Variants in PEAR1 observed in about 807,000 individuals in gnomAD.
The protein encoded by PEAR1 is platelet endothelial aggregation receptor 1.
Under a neutral mutation model 131.2 loss-of-function variants are expected in PEAR1, and 113 were observed. The observed-to-expected ratio is 0.86, with a 90% CI of 0.74 to 1.01. The LOEUF is 1.01. Ranked by LOEUF, PEAR1 falls within the 50% of genes least tolerant of loss-of-function variation. The probability of loss-of-function intolerance (pLI) is 0.00; values close to 1 mark genes in which losing one functional copy is unlikely to be tolerated. For missense variants in PEAR1, 1,408 were observed against 1,391.1 expected, an observed-to-expected ratio of 1.01 and a Z score of -0.19; for synonymous variants, 565 against 523.3, an observed-to-expected ratio of 1.08 and a Z score of -1.09.
intron 22 of PEAR1, 110 bp downstream of exon 22, chr1:156,914,210 A>G: frequency 6.9e-7 from 1 of 1,441,308 alleles, no homozygotes; most frequent in Non-Finnish European, 9.2e-7. Flanking sequence ...ATCAAGAGTG[A>G]GGCCTTTGGG....
At chr1:156,910,513 C>T (rs1007222009) in intron 14 of PEAR1, 105 bp from the exon 15 acceptor site, 14 of 1,558,752 alleles carry the variant, frequency 9.0e-6, no homozygotes, top group Non-Finnish European at 1.2e-5. Context: ...TCTGACCCGT[C>T]TTCAGACTAG....
At chr1:156,905,558 C>T in intron 4 of PEAR1, 134 bp downstream of exon 4, 1 of 733,706 alleles carries the variant, frequency 1.4e-6, no homozygotes, top group South Asian at 1.9e-5. Flanking sequence ...CCCCTCCTCT[C>T]CTCTCCCTGG....
Position 156,902,275 on chromosome 1 carries a change from G to A in PEAR1, c.-9-1643G>A, listed in dbSNP as rs1372840932. 6.5e-6 allele frequency: 1 copy of A among 152,672 alleles called. No individual in the cohort carries two copies. Among genetic ancestry groups the A allele is most frequent in the Admixed American group, 6.5e-5 (1 of 15,286 alleles). 9.5% of individuals were successfully genotyped at this position (152,672 alleles called of 1,614,324 possible). The stretch of plus-strand genomic sequence containing the variant: ...AGGCCCCAGGGCTGAGCTGTGGGCA[G>A]GCCCCACCTGGTGAGTTACTTGGGG... On this transcript the variant is annotated intron_variant, in intron 1 of 22. Coordinates refer to ENST00000292357, the MANE Select transcript of PEAR1 (RefSeq NM_001080471.3). This position sits in a 1 kb window ranked among gnomAD's most constrained non-coding sequence, Gnocchi z 4.3.
rs764339877 is a variant in PEAR1 at position 156,904,812 on chromosome 1, G to A, written c.166G>A (p.Glu56Lys). ...PFSLLPSEPCERPWEGPHTCP... is the reference protein window; with the variant it reads ...PFSLLPSEPCKRPWEGPHTCP... ...CAGCCTGCTCCCCTCAGAGCCCTGC[G>A]AGCGGCCCTGGGAGGGCCCCCATAC... The change falls in exon 3 of 23, where the codon GAG (glutamate) becomes AAG (lysine). Residue 56 changes from glutamate to lysine, a missense_variant. Transcript: ENST00000292357. 44 of 1,613,704 alleles carry A rather than the reference G, an allele frequency of 2.7e-5. No individual in the cohort carries two copies. The highest frequency in any genetic ancestry group is 3.3e-4 in the Middle Eastern group (2 of 6,076).
Position 156,907,592 on chromosome 1 carries a change from AC to A in PEAR1, c.645-15del. On this transcript the variant is annotated splice_polypyrimidine_tract_variant and intron_variant, in intron 6 of 22. Coordinates refer to ENST00000292357, the MANE Select transcript of PEAR1 (RefSeq NM_001080471.3). ...TATTGCTTGTTTGCACATTGACTCC[AC>A]CCACTCTGTCCTGCAGCTGTGACGT... 6.3e-7 allele frequency: 1 copy of A among 1,598,876 alleles called. No individual in the cohort carries two copies. Among genetic ancestry groups the A allele is most frequent in the Non-Finnish European group, 8.5e-7 (1 of 1,172,340 alleles).
Position 156,916,111 on chromosome 1 carries a change from G to A in PEAR1, c.*1313G>A, listed in dbSNP as rs1651840204. On this transcript the variant is annotated 3_prime_UTR_variant, in exon 23 of 23. Transcript: ENST00000292357. The stretch of plus-strand genomic sequence containing the variant: ...ATGCCTTGATTTATTGCACTTCACA[G>A]GTAGCAGAATTTTTAAAGAAATTGA... 1 of 152,146 alleles carries A rather than the reference G, an allele frequency of 6.6e-6. No homozygotes were observed. The highest frequency in any genetic ancestry group is 1.5e-5 in the Non-Finnish European group (1 of 68,044). The allele number at this position is 152,146 out of a possible 1,614,324, so 9.4% of individuals were successfully genotyped here. A position where few individuals can be genotyped will look rare whatever the true frequency, so the allele number is the denominator to read the frequency against.
intron 1 of PEAR1, among the ~76,000 whole-genome samples, chr1:156,900,656 T>C (rs1649591200): frequency 6.6e-6 from 1 of 152,106 alleles, no homozygotes; most frequent in South Asian, 2.1e-4. Context: ...ATACGTGGGG[T>C]CACCTTATGA....
chr1:156,895,115 A>T (rs896751331), intron 1 of PEAR1, among the ~76,000 whole-genome samples: 1 of 152,098 alleles, frequency 6.6e-6, no homozygotes, highest in Non-Finnish European at 1.5e-5. Context: ...CATCTCTAGG[A>T]GCTGGGTTGG....
rs1211722226 is a variant in PEAR1, at chr1:156,913,883, T to C, written c.2745T>C (p.Ser915=). Residue 915 remains serine (S), a synonymous_variant, in exon 22 of 23, where the codon AGT becomes AGC. Transcript: ENST00000292357. ...TCTCTGAAGAGGAGCTCGGGGCCAG[T>C]GTGGCTTCCCTGAGCAGTGAGAACC... The part of the protein sequence containing the change: ...GLISEEELGA[S]VASLSSENPY... The C allele has an allele frequency of 1.2e-6, 2 of 1,613,846 alleles. No homozygotes were observed. The highest frequency in any genetic ancestry group is 1.7e-6 in the Non-Finnish European group (2 of 1,179,914).
At chr1:156,895,089 C>T (rs1419299912) in intron 1 of PEAR1, among the ~76,000 whole-genome samples, 1 of 152,240 alleles carries the variant, frequency 6.6e-6, no homozygotes, top group Non-Finnish European at 1.5e-5. Flanking sequence ...ATGTTCCCCA[C>T]TGCAGGTGGG....
Position 156,914,594 on chromosome 1 carries a change from G to A in PEAR1, c.2963-53G>A. On this transcript the variant is annotated intron_variant, in intron 22 of 22. Coordinates refer to ENST00000292357, the MANE Select transcript of PEAR1 (RefSeq NM_001080471.3). Reference sequence around the variant, plus strand: ...GGAGTGCAGTGGGAGTGGAGGGAGTGGGGAGAGTGGTGGGAGGAGCCACTC... The same window carrying A: ...GGAGTGCAGTGGGAGTGGAGGGAGTAGGGAGAGTGGTGGGAGGAGCCACTC... 3.2e-6 allele frequency: 5 copies of A among 1,552,542 alleles called. No homozygotes were observed. The East Asian group carries it at 9.1e-5, about 28-fold the overall frequency.
Position 156,912,541 on chromosome 1 carries a change from T to C in PEAR1, c.2128T>C (p.Cys710Arg). 4 of 1,614,084 alleles carry C rather than the reference T, an allele frequency of 2.5e-6. No individual in the cohort carries two copies. Among genetic ancestry groups the C allele is most frequent in the Non-Finnish European group, 3.4e-6 (4 of 1,180,024 alleles). ...FGANCSQPCQ[C>R]GPGEKCHPET... is the part of the protein sequence containing the mutation. ...TGCTAACTGCTCCCAGCCATGCCAG[T>C]GTGGTCCTGGAGAAAAGTGCCACCC... The change falls in exon 17 of 23, where the codon TGT becomes CGT. Residue 710 changes from cysteine (C) to arginine (R), a missense_variant. By Grantham distance (180) the Cys-to-Arg change is radical. Transcript: ENST00000292357.
At chr1:156,913,049 G>C in intron 18 of PEAR1, 67 bp downstream of exon 18, 9 of 1,594,460 alleles carry the variant, frequency 5.6e-6, no homozygotes, top group Non-Finnish European at 7.7e-6. Context: ...TGGATGCTGG[G>C]CATGACCCAA....
At position 156,912,353 on chromosome 1, in the gene PEAR1, G is replaced by T; in HGVS notation, c.2058G>T (p.Trp686Cys). 6.2e-7 allele frequency: 1 copy of T among 1,613,878 alleles called. No homozygotes were observed. The highest frequency in any genetic ancestry group is 1.1e-5 in the South Asian group (1 of 91,064). The stretch of plus-strand genomic sequence containing the variant: ...GGAGCTGTATCTGCCCCCTAGGCTG[G>T]ACTGGACACCACTGCTTAGAAGGTA... Reference protein sequence around the residue: ...QDGSCICPLGWTGHHCLEGCP... With the variant: ...QDGSCICPLGCTGHHCLEGCP... The change falls in exon 16 of 23, where the codon TGG (tryptophan) becomes TGT (cysteine). Residue 686 changes from tryptophan (W) to cysteine (C), a missense_variant. Physicochemically the swap from Trp to Cys is radical, Grantham distance 215. Transcript: ENST00000292357.
At position 156,908,356 on chromosome 1, in the gene PEAR1, TGTG is replaced by T; in HGVS notation, c.1115+19_1115+21del. 1 of 1,494,490 alleles carries T rather than the reference TGTG, an allele frequency of 6.7e-7. No homozygotes were observed. Among genetic ancestry groups the T allele is most frequent in the Non-Finnish European group, 8.9e-7 (1 of 1,121,496 alleles). The allele number at this position is 1,494,490 out of a possible 1,614,324, so 92.6% of individuals were successfully genotyped here. On this transcript the variant is annotated intron_variant, in intron 9 of 22. Transcript: ENST00000292357. This position sits in a 1 kb window ranked among gnomAD's most constrained non-coding sequence, Gnocchi z 4.2. ...ACAGCCTCAGGTGGGCCGCGGGACA[TGTG>T]GTCAAAGGATCAGGAGGCCAATGGG... is the stretch of plus-strand genomic sequence containing the variant.
intron 6 of PEAR1, among the ~76,000 whole-genome samples, chr1:156,907,175 C>T (rs981583183): frequency 7.9e-5 from 12 of 152,204 alleles, no homozygotes; most frequent in African/African-American, 2.7e-4. Context: ...CAAAGTGAGG[C>T]TGGGACAAGG....
chr1:156,904,122 A>AATCTCCTTCCTTC (rs1169192688), intron 2 of PEAR1, 95 bp downstream of exon 2: 50 of 978,858 alleles, frequency 5.1e-5, no homozygotes, highest in Non-Finnish European at 7.8e-5. Flanking sequence ...GTCCTTCCTT[A>AATCTCCTTCCTTC]ATCTCCTTCC....
chr1:156,911,262 TCTCC>T (rs146377491), intron 15 of PEAR1, among the ~76,000 whole-genome samples: 11,354 of 115,370 alleles, frequency 0.098, 1,903 homozygotes, highest in African/African-American at 0.29. Flanking sequence ...TCTTCTTTTC[TCTCC>T]CTCCCTCTCT....
Position 156,907,743 on chromosome 1 carries a change from G to A in PEAR1, c.765+13G>A. ...CCCTGGCTGGATGGTATGGAGGGTG[G>A]GGCCTGTGGGCATGGGGTGTGGGTC... On this transcript the variant is annotated intron_variant, in intron 7 of 22. Transcript: ENST00000292357. 1 of 1,600,894 alleles carries A rather than the reference G, an allele frequency of 6.2e-7. No individual in the cohort carries two copies. Among genetic ancestry groups the A allele is most frequent in the Non-Finnish European group, 8.5e-7 (1 of 1,172,826 alleles).
Sources: allele counts gnomAD v4.1 joint callset (sites outside exome capture counted in the v4.1 genomes callset), GRCh38; gene constraint gnomAD v4.1.1; non-coding constraint Gnocchi (gnomAD v3.1); transcripts MANE v1.5; gene names NCBI Gene and HGNC (gene_info 2026-07-23, HGNC 2026-07-21).